MAST3: variants seen among roughly 807,000 people sequenced by gnomAD.
MAST3 encodes microtubule-associated serine/threonine-protein kinase 3.
In MAST3, 43 loss-of-function variants were observed where a neutral mutation model predicts 127.0. The ratio of observed to expected loss-of-function variants is 0.34; its 90% CI spans 0.27 to 0.44. The LOEUF (loss-of-function observed/expected upper bound fraction) is 0.44, where lower values mean the gene tolerates loss of function less well. MAST3 is among the 20% of genes least tolerant of loss of function. MAST3 has a pLI of 1.00. For missense variants in MAST3, 1,390 were observed against 1,919.1 expected (o/e 0.72, Z 5.15); for synonymous variants, 785 against 809.2 (o/e 0.97, Z 0.51).
At chr19:18,113,762 T>C (rs2038917395) in intron 3 of MAST3, among the ~76,000 whole-genome samples, 1 of 151,708 alleles carries the variant, frequency 6.6e-6, no homozygotes, top group Non-Finnish European at 1.5e-5. Context: ...GCGCCTGGCC[T>C]GATCTTTATA....
chr19:18,135,906 G>A, intron 18 of MAST3, 65 bp downstream of exon 18: 1 of 1,268,982 alleles, frequency 7.9e-7, no homozygotes, highest in Non-Finnish European at 1.1e-6. Flanking sequence ...AGGGAATGGA[G>A]GGATAGCGCC....
chr19:18,100,591 T>C (rs75179260), intron 1 of MAST3, among the ~76,000 whole-genome samples: 2,636 of 152,282 alleles, frequency 0.017, 88 homozygotes, highest in African/African-American at 0.059. Flanking sequence ...AGCCCTCTCA[T>C]GCATTCAATT....
rs2038722499 is a variant in MAST3, at chr19:18,112,162, G to A, written c.161+1421G>A. ...GTCCTGTGGCAGGACTGAGGTGGTG[G>A]GTTTTTTGTTTTTGTTTTTTGAGAC... On this transcript the variant is annotated intron_variant, in intron 3 of 27. Coordinates refer to ENST00000687212, the MANE Select transcript of MAST3 (RefSeq NM_001393504.1). This position sits in a 1 kb window ranked among gnomAD's most constrained non-coding sequence, Gnocchi z 4.1. Among the ~76,000 whole-genome samples the A allele has an allele frequency of 6.6e-6, 1 of 152,158 alleles. No individual in the cohort carries two copies. Among genetic ancestry groups the A allele is most frequent in the Admixed American group, 6.5e-5 (1 of 15,276 alleles).
Position 18,144,384 on chromosome 19 carries a change from C to A in MAST3, c.2585-82C>A, listed in dbSNP as rs765336609. The A allele has an allele frequency of 3.3e-6, 4 of 1,196,572 alleles. No homozygotes were observed. The highest frequency in any genetic ancestry group is 2.0e-5 in the Admixed American group (1 of 49,582). 74.1% of individuals were successfully genotyped at this position (1,196,572 alleles called of 1,614,324 possible). On this transcript the variant is annotated intron_variant, in intron 22 of 27. Coordinates refer to ENST00000687212, the MANE Select transcript of MAST3 (RefSeq NM_001393504.1). The surrounding 1 kb of genome is among the most constrained non-coding windows in gnomAD (Gnocchi z 4.0). ...GGAGGCTGGACTGTGTAAATAGTGA[C>A]CAGGGAGGAAGGGCCTTAAGGTCCC...
In MAST3 at chr19:18,145,103, C is replaced by T. The variant is rs201550805; in HGVS notation, c.2913C>T (p.Pro971=). 2.1e-4 allele frequency: 342 copies of T among 1,613,782 alleles called. No individual in the cohort carries two copies. Among genetic ancestry groups the T allele is most frequent in the African/African-American group, 2.0e-3 (147 of 75,020 alleles). ...RDSSPSRDPS[P]VCGSLRPPIV... ...CTTCGCCGAGCCGAGACCCGTCCCC[C>T]GTGTGTGGCAGCCTGCGGCCCCCCA... is the stretch of plus-strand genomic sequence containing the variant. Residue 971 remains proline, a synonymous_variant, in exon 24 of 28, where the codon CCC becomes CCT. Transcript: ENST00000687212. The surrounding 1 kb of genome is among the most constrained non-coding windows in gnomAD (Gnocchi z 5.9).
intron 1 of MAST3, among the ~76,000 whole-genome samples, chr19:18,105,622 G>A (rs11883413): frequency 0.028 from 4,232 of 150,468 alleles, 214 homozygotes; most frequent in African/African-American, 0.099. Context: ...GCAGCGAGCC[G>A]AGATTGTGTC....
intron 3 of MAST3, among the ~76,000 whole-genome samples, chr19:18,116,088 A>ATTTTT (rs2039190139): frequency 4.8e-5 from 2 of 41,408 alleles, no homozygotes; most frequent in South Asian, 8.3e-4. Flanking sequence ...ATTTGAAATT[A>ATTTTT]TCTTTTTTTT....
chr19:18,150,816 T>TA lies in MAST3; in HGVS notation c.*1093dup, dbSNP rs1394020395. On this transcript the variant is annotated 3_prime_UTR_variant, in exon 28 of 28. Transcript: ENST00000687212. Reference sequence around the variant, plus strand: ...CATCCGCTCCCCAGGTGGGCACTGATAAAGGAAGGTACAGGCCTCACCTGG... The same window carrying TA: ...CATCCGCTCCCCAGGTGGGCACTGATAAAAGGAAGGTACAGGCCTCACCTGG... The TA allele has an allele frequency of 6.6e-6, 1 of 152,250 alleles. No homozygotes were observed. Among genetic ancestry groups the TA allele is most frequent in the Admixed American group, 6.5e-5 (1 of 15,288 alleles). 9.4% of individuals were successfully genotyped at this position (152,250 alleles called of 1,614,324 possible).
chr19:18,115,938 C>T (rs926075357), intron 3 of MAST3, among the ~76,000 whole-genome samples: 1 of 152,226 alleles, frequency 6.6e-6, no homozygotes, highest in Admixed American at 6.5e-5. Flanking sequence ...GTGCCCTTTG[C>T]CTGGGACACG....
intron 1 of MAST3, among the ~76,000 whole-genome samples, chr19:18,106,643 C>T (rs1299432231): frequency 1.3e-5 from 2 of 151,566 alleles, no homozygotes; most frequent in Non-Finnish European, 2.9e-5. Context: ...GTGACCTCGG[C>T]TCACTGCAAC....
At position 18,145,924 on chromosome 19, in the gene MAST3, C is replaced by A. The variant is rs943165515; in HGVS notation, c.3162+59C>A. ...CCCAGCACCCCTTGGCCGCAGCTCC[C>A]GGTTCCCCGTGGTTCTCCGCGTCCA... On this transcript the variant is annotated intron_variant, in intron 25 of 27. Coordinates refer to ENST00000687212, the MANE Select transcript of MAST3 (RefSeq NM_001393504.1). The surrounding 1 kb of genome is among the most constrained non-coding windows in gnomAD (Gnocchi z 5.9). The A allele has an allele frequency of 1.3e-6, 2 of 1,511,648 alleles. No homozygotes were observed. The allele number at this position is 1,511,648 out of a possible 1,614,324, so 93.6% of individuals were successfully genotyped here. A position where few individuals can be genotyped will look rare whatever the true frequency, so the allele number is the denominator to read the frequency against.
chr19:18,145,653 T>G lies in MAST3; in HGVS notation c.3040-90T>G. On this transcript the variant is annotated intron_variant, in intron 24 of 27. Coordinates refer to ENST00000687212, the MANE Select transcript of MAST3 (RefSeq NM_001393504.1). The surrounding 1 kb of genome is among the most constrained non-coding windows in gnomAD (Gnocchi z 5.9). ...TGAGACAGCACAAGAGGCAGCAGCT[T>G]GCTGGGGTCCCACAGCAGACCCAGC... 1 of 1,411,966 alleles carries G rather than the reference T, an allele frequency of 7.1e-7. No homozygotes were observed. Among genetic ancestry groups the G allele is most frequent in the East Asian group, 2.6e-5 (1 of 38,222 alleles). 87.5% of individuals were successfully genotyped at this position (1,411,966 alleles called of 1,614,324 possible). A position where few individuals can be genotyped will look rare whatever the true frequency, so the allele number is the denominator to read the frequency against.
At chr19:18,104,364 G>A (rs2037893294) in intron 1 of MAST3, among the ~76,000 whole-genome samples, 1 of 152,006 alleles carries the variant, frequency 6.6e-6, no homozygotes, top group Admixed American at 6.6e-5. Context: ...GACCTTCGAG[G>A]GGTAGATTAT....
At position 18,130,490 on chromosome 19, in the gene MAST3, C is replaced by T; in HGVS notation, c.1224-4C>T. ...TCCCAGCAAGCCTGGCCCTCTGTCC[C>T]CAGGGCCGTCTACCTGGTGCGGCAC... On this transcript the variant is annotated splice_region_variant and splice_polypyrimidine_tract_variant and intron_variant, in intron 13 of 27. Coordinates refer to ENST00000687212, the MANE Select transcript of MAST3 (RefSeq NM_001393504.1). 2 of 1,589,646 alleles carry T rather than the reference C, an allele frequency of 1.3e-6. No homozygotes were observed. Among genetic ancestry groups the T allele is most frequent in the Non-Finnish European group, 1.7e-6 (2 of 1,167,668 alleles).
chr19:18,118,108 A>C (rs2039509224), intron 3 of MAST3: 2 of 984,392 alleles, frequency 2.0e-6, no homozygotes, highest in South Asian at 4.7e-5. Context: ...GGCCGATCCC[A>C]CCGCCGAGGC....
In MAST3 at chr19:18,141,377, C is replaced by CTTTCATTTT. The variant is rs60206673; in HGVS notation, c.2206-502_2206-501insCATTTTTTT. ...GGAATCACTGGACTAAGCCAGCTTTCTTTTTTTTTTTTTGAAACAGAGTCT... is the reference window on the plus strand; with the variant it reads ...GGAATCACTGGACTAAGCCAGCTTTCTTTCATTTTTTTTTTTTTTTTTGAAACAGAGTCT... On this transcript the variant is annotated intron_variant, in intron 20 of 27. Coordinates refer to ENST00000687212, the MANE Select transcript of MAST3 (RefSeq NM_001393504.1). Among the ~76,000 whole-genome samples the CTTTCATTTT allele has an allele frequency of 4.9e-5, 6 of 122,750 alleles. 1 individual carries two copies. The highest frequency in any genetic ancestry group is 1.9e-4 in the African/African-American group (6 of 31,742). 80.5% of individuals were successfully genotyped at this position (122,750 alleles called of 152,430 possible).
chr19:18,137,625 C>G (rs1049160302), intron 19 of MAST3, among the ~76,000 whole-genome samples: 1 of 152,210 alleles, frequency 6.6e-6, no homozygotes, highest in African/African-American at 2.4e-5. Context: ...GTGGCAGACC[C>G]TTGTCTGGGG....
chr19:18,145,283 G>A lies in MAST3; in HGVS notation c.3039+54G>A. ...CCGGGTTCTAGTTTGACTCTGCCCG[G>A]TCATGTCCCTTCTCAGAGCTGCATT... On this transcript the variant is annotated intron_variant, in intron 24 of 27. Transcript: ENST00000687212. The surrounding 1 kb of genome is among the most constrained non-coding windows in gnomAD (Gnocchi z 5.9). 1.3e-6 allele frequency: 2 copies of A among 1,539,168 alleles called. No homozygotes were observed. The highest frequency in any genetic ancestry group is 1.7e-5 in the Admixed American group (1 of 59,580).
rs927124578 is a variant in MAST3, at chr19:18,144,458, C to G, written c.2585-8C>G. The G allele has an allele frequency of 6.4e-7, 1 of 1,554,054 alleles. No individual in the cohort carries two copies. Among genetic ancestry groups the G allele is most frequent in the Admixed American group, 1.9e-5 (1 of 51,512 alleles). The stretch of plus-strand genomic sequence containing the variant: ...AGGGGCACCCAGCTGACCCTGCTGA[C>G]CCTCTAGCCGACACAGCTGCTCTCA... On this transcript the variant is annotated splice_polypyrimidine_tract_variant and splice_region_variant and intron_variant, in intron 22 of 27. Transcript: ENST00000687212. The surrounding 1 kb of genome is among the most constrained non-coding windows in gnomAD (Gnocchi z 4.0).
Sources: allele counts gnomAD v4.1 joint callset (sites outside exome capture counted in the v4.1 genomes callset), GRCh38; gene constraint gnomAD v4.1.1; non-coding constraint Gnocchi (gnomAD v3.1); transcripts MANE v1.5; gene names NCBI Gene and HGNC (gene_info 2026-07-23, HGNC 2026-07-21).